Variants in LGALS3BP observed in about 807,000 individuals in gnomAD.
LGALS3BP encodes galectin-3-binding protein.
Under a neutral mutation model 22.9 loss-of-function variants are expected in LGALS3BP, and 25 were observed. The observed-to-expected ratio is 1.09, with a 90% CI of 0.80 to 1.53. LGALS3BP has a LOEUF of 1.53. Ranked by LOEUF, LGALS3BP falls within the 40% of genes most tolerant of loss-of-function variation. LGALS3BP has a pLI of 0.00. For missense variants in LGALS3BP, 718 were observed against 752.0 expected (o/e 0.95, Z 0.53); for synonymous variants, 335 against 331.1 (o/e 1.01, Z -0.13).
Position 78,973,711 on chromosome 17 carries a change from C to T in LGALS3BP, c.377-489G>A, listed in dbSNP as rs545787304. 2.6e-5 allele frequency among the ~76,000 whole-genome samples: 4 copies of T among 152,292 alleles called. No homozygotes were observed. Among genetic ancestry groups the T allele is most frequent in the East Asian group, 3.9e-4 (2 of 5,178 alleles). On this transcript the variant is annotated intron_variant, in intron 4 of 5. Coordinates refer to ENST00000262776, the MANE Select transcript of LGALS3BP (RefSeq NM_005567.4). The surrounding 1 kb of genome is among the most constrained non-coding windows in gnomAD (Gnocchi z 5.8). ...GCCTGCAGAAGTCATGGGAGGCTCCCGGCTCGGGGGTCAGTGTGGTGCACC... is the reference window on the plus strand; with the variant it reads ...GCCTGCAGAAGTCATGGGAGGCTCCTGGCTCGGGGGTCAGTGTGGTGCACC...
At position 78,978,382 on chromosome 17, in the gene LGALS3BP, G is replaced by A. The variant is rs185482283; in HGVS notation, c.-23-1168C>T. On this transcript the variant is annotated intron_variant, in intron 1 of 5. Coordinates refer to ENST00000262776, the MANE Select transcript of LGALS3BP (RefSeq NM_005567.4). ...CAGCCACCCCTTGTCGGGGCTCCCC[G>A]GGCACCACTGGAGGCCTTACCGTGA... 6.8e-4 allele frequency among the ~76,000 whole-genome samples: 104 copies of A among 152,320 alleles called. 1 individual carries two copies. Among genetic ancestry groups the A allele is most frequent in the South Asian group, 5.8e-3 (28 of 4,828 alleles).
rs3785525 is a variant in LGALS3BP, at chr17:78,977,399, C to T, written c.-23-185G>A. 269 of 583,990 alleles carry T rather than the reference C, an allele frequency of 4.6e-4. 3 individuals are homozygous for T. In the East Asian group the frequency reaches 7.4e-3, roughly 16 times the overall value. 36.2% of individuals were successfully genotyped at this position (583,990 alleles called of 1,614,324 possible). ...GCTGTGGATGCCCCCGCGGGGGCCC[C>T]TCACCTGGTCTGCAGTGTGGTCCTG... is the stretch of plus-strand genomic sequence containing the variant. On this transcript the variant is annotated intron_variant, in intron 1 of 5. Transcript: ENST00000262776.
In LGALS3BP at chr17:78,973,249, C is replaced by T; in HGVS notation, c.377-27G>A. The T allele has an allele frequency of 6.7e-7, 1 of 1,485,614 alleles. No homozygotes were observed. The highest frequency in any genetic ancestry group is 8.9e-7 in the Non-Finnish European group (1 of 1,117,930). The allele number at this position is 1,485,614 out of a possible 1,614,324, so 92.0% of individuals were successfully genotyped here. On this transcript the variant is annotated intron_variant, in intron 4 of 5. Coordinates refer to ENST00000262776, the MANE Select transcript of LGALS3BP (RefSeq NM_005567.4). This position sits in a 1 kb window ranked among gnomAD's most constrained non-coding sequence, Gnocchi z 5.8. ...TAAGAAGGGGCGGGAGGGAAGTGGG[C>T]TGCGTTAGGAGCCGGGGCACTGCCA...
In LGALS3BP at chr17:78,971,958, TG is replaced by T. The variant is rs758379151; in HGVS notation, c.1375del (p.Gln459SerfsTer65). 1 of 1,614,028 alleles carries T rather than the reference TG, an allele frequency of 6.2e-7. No homozygotes were observed. The highest frequency in any genetic ancestry group is 8.5e-7 in the Non-Finnish European group (1 of 1,179,980). On this transcript the variant is annotated frameshift_variant, in exon 6 of 6. Coordinates refer to ENST00000262776, the MANE Select transcript of LGALS3BP (RefSeq NM_005567.4). LOFTEE classifies it low-confidence loss of function (END_TRUNC). This position sits in a 1 kb window ranked among gnomAD's most constrained non-coding sequence, Gnocchi z 5.6. ...GGGGTGTTGTGGAGTCTGGAAGGAC[TG>T]GTAGGGGTAGTATCTGTAGTCAGAG... Reference protein sequence around the residue: ...APSDYRYYPYQSFQTPQHPSF... With the variant: ...APSDYRYYPYXSFQTPQHPSF...
chr17:78,971,292 T>C lies in LGALS3BP; in HGVS notation c.*284A>G, dbSNP rs992730060. 2.1e-6 allele frequency: 1 copy of C among 477,724 alleles called. No individual in the cohort carries two copies. The highest frequency in any genetic ancestry group is 3.8e-6 in the Non-Finnish European group (1 of 266,362). The allele number at this position is 477,724 out of a possible 1,614,324, so 29.6% of individuals were successfully genotyped here. A position where few individuals can be genotyped will look rare whatever the true frequency, so the allele number is the denominator to read the frequency against. Reference sequence around the variant, plus strand: ...TGTAATTTTAATGACCTCAGACCAGTGACAAGGGCAGACTGACCAGGGGCT... The same window carrying C: ...TGTAATTTTAATGACCTCAGACCAGCGACAAGGGCAGACTGACCAGGGGCT... On this transcript the variant is annotated 3_prime_UTR_variant, in exon 6 of 6. Transcript: ENST00000262776. The surrounding 1 kb of genome is among the most constrained non-coding windows in gnomAD (Gnocchi z 5.6).
At chr17:78,977,593 T>TGGGCCCAGGTCGGG (rs1489022538) in intron 1 of LGALS3BP, 1 of 230,464 alleles carries the variant, frequency 4.3e-6, no homozygotes, top group African/African-American at 2.3e-5. Flanking sequence ...GCCACAGGCG[T>TGGGCCCAGGTCGGG]GGGCCCAGGT....
rs1055635208 is a variant in LGALS3BP at position 78,976,128 on chromosome 17, G to A, written c.81C>T (p.Ala27=). 15 of 1,591,232 alleles carry A rather than the reference G, an allele frequency of 9.4e-6. No homozygotes were observed. The highest frequency in any genetic ancestry group is 1.3e-5 in the African/African-American group (1 of 74,536). Residue 27 remains alanine, a synonymous_variant, in exon 3 of 6, where the codon GCC becomes GCT. Coordinates refer to ENST00000262776, the MANE Select transcript of LGALS3BP (RefSeq NM_005567.4). The surrounding 1 kb of genome is among the most constrained non-coding windows in gnomAD (Gnocchi z 4.6). ...QGVNDGDMRL[A]DGGATNQGRV... ...GGCCCTGGTTGGTGGCGCCCCCATC[G>A]GCCAGCCGCATGTCACCATCGTTCA...
rs544513676 is a variant in LGALS3BP at position 78,975,045 on chromosome 17, C to A, written c.245-226G>T. 7 of 560,862 alleles carry A rather than the reference C, an allele frequency of 1.2e-5. No homozygotes were observed. The Admixed American group carries it at 2.0e-4, about 16-fold the overall frequency. The allele number at this position is 560,862 out of a possible 1,614,324, so 34.7% of individuals were successfully genotyped here. ...TTATAAAGCTTACCGGCTGCTTCAGCGACATCACATTCATGTATAGTAATT... is the reference window on the plus strand; with the variant it reads ...TTATAAAGCTTACCGGCTGCTTCAGAGACATCACATTCATGTATAGTAATT... On this transcript the variant is annotated intron_variant, in intron 3 of 5. Coordinates refer to ENST00000262776, the MANE Select transcript of LGALS3BP (RefSeq NM_005567.4).
intron 3 of LGALS3BP, 95 bp from the exon 4 acceptor site, chr17:78,974,914 G>A: frequency 1.3e-6 from 2 of 1,505,148 alleles, no homozygotes; most frequent in Non-Finnish European, 1.8e-6. Flanking sequence ...CCCCGGCCGT[G>A]TGGGTCCATC....
In LGALS3BP at chr17:78,972,387, G is replaced by A; in HGVS notation, c.947C>T (p.Pro316Leu). 1 of 1,613,484 alleles carries A rather than the reference G, an allele frequency of 6.2e-7. No individual in the cohort carries two copies. The highest frequency in any genetic ancestry group is 8.5e-7 in the Non-Finnish European group (1 of 1,180,024). ...GGCCTTCAGTAGGGCCAGCTCGCTGGGCACCGCCAGGTCGCTCCTGGGCAG... is the reference window on the plus strand; with the variant it reads ...GGCCTTCAGTAGGGCCAGCTCGCTGAGCACCGCCAGGTCGCTCCTGGGCAG... ...LLLPRSDLAV[P>L]SELALLKAVD... The change falls in exon 6 of 6, where the codon CCC becomes CTC. Residue 316 changes from proline (P) to leucine (L), a missense_variant. Coordinates refer to ENST00000262776, the MANE Select transcript of LGALS3BP (RefSeq NM_005567.4). The surrounding 1 kb of genome is among the most constrained non-coding windows in gnomAD (Gnocchi z 5.1).
intron 1 of LGALS3BP, 168 bp from the exon 2 acceptor site, chr17:78,977,382 T>C: frequency 1.6e-6 from 1 of 608,226 alleles, no homozygotes; most frequent in Non-Finnish European, 2.9e-6. Flanking sequence ...GTGCTGTGGA[T>C]GCCCCCGCGG....
intron 4 of LGALS3BP, among the ~76,000 whole-genome samples, chr17:78,974,172 G>A (rs558789346): frequency 1.8e-4 from 28 of 152,382 alleles, no homozygotes; most frequent in Non-Finnish European, 3.7e-4. Context: ...TCACGTGCAA[G>A]CCCAGGAAGA....
In LGALS3BP at chr17:78,974,725, G is replaced by C; in HGVS notation, c.339C>G (p.Cys113Trp). Residue 113 changes from cysteine to tryptophan, a missense_variant, in exon 4 of 6, where the codon TGC (cysteine) becomes TGG (tryptophan). Physicochemically the swap from Cys to Trp is radical, Grantham distance 215 (BLOSUM62 -2). Coordinates refer to ENST00000262776, the MANE Select transcript of LGALS3BP (RefSeq NM_005567.4). ...CKSLGWLKSN[C>W]RHERDAGVVC... is the part of the protein sequence containing the mutation. ...CCACACCAGCGTCTCTCTCGTGCCT[G>C]CAGTTGCTCTTCAGCCAGCCCAGGG... The C allele has an allele frequency of 6.2e-7, 1 of 1,613,824 alleles. No homozygotes were observed. The highest frequency in any genetic ancestry group is 8.5e-7 in the Non-Finnish European group (1 of 1,179,988).
Position 78,974,568 on chromosome 17 carries a change from C to T in LGALS3BP, c.376+120G>A, listed in dbSNP as rs1014396556. ...GGCCTCTCCATGCGGAGTGGGCAGG[C>T]GGTAGTGGAAGGAACCTTTGTGTGC... On this transcript the variant is annotated intron_variant, in intron 4 of 5. Coordinates refer to ENST00000262776, the MANE Select transcript of LGALS3BP (RefSeq NM_005567.4). The T allele has an allele frequency of 1.0e-4, 118 of 1,183,820 alleles. 1 individual carries two copies. The African/African-American group carries it at 1.2e-3, about 12-fold the overall frequency. 73.3% of individuals were successfully genotyped at this position (1,183,820 alleles called of 1,614,324 possible). A position where few individuals can be genotyped will look rare whatever the true frequency, so the allele number is the denominator to read the frequency against.
chr17:78,973,848 G>T lies in LGALS3BP; in HGVS notation c.377-626C>A, dbSNP rs1006885647. 1.3e-5 allele frequency among the ~76,000 whole-genome samples: 2 copies of T among 152,212 alleles called. No individual in the cohort carries two copies. The highest frequency in any genetic ancestry group is 4.8e-5 in the African/African-American group (2 of 41,446). ...AGTAACTGTGACCTTTCAACCAGGT[G>T]GGCTTGCCCTGGGCCTCCTAAAACC... On this transcript the variant is annotated intron_variant, in intron 4 of 5. Transcript: ENST00000262776. This position sits in a 1 kb window ranked among gnomAD's most constrained non-coding sequence, Gnocchi z 5.8.
Position 78,977,178 on chromosome 17 carries a change from C to T in LGALS3BP, c.14G>A (p.Arg5Lys), listed in dbSNP as rs1044152210. Reference sequence around the variant, plus strand: ...AACCAGCAGCCACACCCAGAAGAGCCTCGGAGGGGTCATGGCCGTGCCTGG... The same window carrying T: ...AACCAGCAGCCACACCCAGAAGAGCTTCGGAGGGGTCATGGCCGTGCCTGG... MTPP[R>K]LFWVWLLVAG... The change falls in exon 2 of 6, where the codon AGG becomes AAG. Residue 5 changes from arginine (R) to lysine (K), a missense_variant. Physicochemically the swap from Arg to Lys is conservative, Grantham distance 26. Transcript: ENST00000262776. The T allele has an allele frequency of 1.2e-6, 2 of 1,613,300 alleles. No individual in the cohort carries two copies. Among genetic ancestry groups the T allele is most frequent in the Non-Finnish European group, 1.7e-6 (2 of 1,179,998 alleles).
intron 3 of LGALS3BP, among the ~76,000 whole-genome samples, chr17:78,975,293 C>T (rs2070709888): frequency 1.3e-5 from 2 of 152,178 alleles, no homozygotes; most frequent in South Asian, 4.1e-4. Context: ...TCCAGAATCG[C>T]AACTGCTGTG....
intron 3 of LGALS3BP, chr17:78,975,044 G>C: frequency 1.8e-6 from 1 of 565,942 alleles, no homozygotes; most frequent in East Asian, 3.0e-5. Flanking sequence ...GGCTGCTTCA[G>C]CGACATCACA....
At chr17:78,979,474 G>C (rs1324336215) in intron 1 of LGALS3BP, 1 of 150,064 alleles carries the variant, frequency 6.7e-6, no homozygotes, top group Non-Finnish European at 1.5e-5. Flanking sequence ...GCCCTGGCCG[G>C]GCGCGGTGGC....
Sources: gnomAD v4.1 joint callset for allele counts (sites outside exome capture counted in the v4.1 genomes callset) on GRCh38, gnomAD v4.1.1 for gene constraint, Gnocchi (gnomAD v3.1) non-coding constraint, MANE v1.5 for transcripts, NCBI Gene and HGNC (gene_info 2026-07-23, HGNC 2026-07-21) for gene names.